COL28A1: variants seen among roughly 807,000 people sequenced by gnomAD.
The protein encoded by COL28A1 is collagen type XXVIII alpha 1 chain.
COL28A1 carries 161 observed loss-of-function variants against 150.2 expected under a neutral mutation model. That is an observed-to-expected ratio of 1.07 (90% CI 0.94 to 1.22). The LOEUF (loss-of-function observed/expected upper bound fraction) is 1.22. Ranked by LOEUF, COL28A1 falls within the 50% of genes most tolerant of loss-of-function variation. The pLI is 0.00. For missense variants in COL28A1, 1,617 were observed against 1,388.3 expected (o/e 1.16, Z -2.62); for synonymous variants, 552 against 469.7 (o/e 1.18, Z -2.26).
Position 7,460,931 on chromosome 7 carries a change from C to T in COL28A1, c.1303-4819G>A, listed in dbSNP as rs145725930. 4.7e-3 allele frequency among the ~76,000 whole-genome samples: 717 copies of T among 152,220 alleles called. 5 individuals carry two copies. Among genetic ancestry groups the T allele is most frequent in the East Asian group, 0.022 (114 of 5,172 alleles). Reference sequence around the variant, plus strand: ...GCAGGACTAGATCGCAGCTCCCACTCGGATGGAAAGAACAGCATGTGGAGG... The same window carrying T: ...GCAGGACTAGATCGCAGCTCCCACTTGGATGGAAAGAACAGCATGTGGAGG... On this transcript the variant is annotated intron_variant, in intron 15 of 34. Coordinates refer to ENST00000399429, the MANE Select transcript of COL28A1 (RefSeq NM_001037763.3).
chr7:7,423,603 T>C (rs1784492486), intron 25 of COL28A1, among the ~76,000 whole-genome samples: 1 of 152,186 alleles, frequency 6.6e-6, no homozygotes, highest in Non-Finnish European at 1.5e-5. Context: ...AAGATTTTTT[T>C]TTAACAAAGT....
At chr7:7,357,673 A>AAAAAAGAAAG (rs1780405836), downstream of COL28A1, 1 of 151,606 alleles carries the variant, frequency 6.6e-6, no homozygotes, top group Non-Finnish European at 1.5e-5. Flanking sequence ...AAAAAAAAAA[A>AAAAAAGAAAG]AAAGAAAGAA....
At chr7:7,451,437 G>A (rs2128328995) in intron 18 of COL28A1, among the ~76,000 whole-genome samples, 1 of 152,146 alleles carries the variant, frequency 6.6e-6, no homozygotes, top group East Asian at 1.9e-4. Flanking sequence ...TGTTGGCCAG[G>A]ATGGTCTCGA....
intron 30 of COL28A1, among the ~76,000 whole-genome samples, chr7:7,377,692 T>A (rs972437862): frequency 1.3e-5 from 2 of 151,538 alleles, no homozygotes; most frequent in African/African-American, 4.8e-5. Context: ...AACTTTCTCC[T>A]GGGCAGTGGG....
chr7:7,386,235 C>T (rs1036110775), intron 27 of COL28A1, among the ~76,000 whole-genome samples: 7 of 152,042 alleles, frequency 4.6e-5, no homozygotes, highest in African/African-American at 9.7e-5. Context: ...ATTACTGATA[C>T]GTCAGGAAAC....
At chr7:7,393,793 C>T (rs117375283) in intron 27 of COL28A1, among the ~76,000 whole-genome samples, 2,194 of 152,270 alleles carry the variant, frequency 0.014, 36 homozygotes, top group Non-Finnish European at 0.023. Context: ...CAAATTTGAG[C>T]ATCCCAGGTC....
chr7:7,372,398 A>AAAATAAATAAAT (rs3067784), intron 32 of COL28A1, among the ~76,000 whole-genome samples: 3,843 of 133,650 alleles, frequency 0.029, 75 homozygotes, highest in Middle Eastern at 0.04. Context: ...ACTCCGTCTC[A>AAAATAAATAAAT]AAATAAATAA....
At chr7:7,430,274 C>G (rs57930817) in intron 25 of COL28A1, among the ~76,000 whole-genome samples, 33,530 of 151,954 alleles carry the variant, frequency 0.22, 5,191 homozygotes, top group African/African-American at 0.44. Flanking sequence ...TTATAGGCGC[C>G]CACCACCACG....
the COL28A1 span, among the ~76,000 whole-genome samples, chr7:7,541,380 G>C: frequency 3.3e-5 from 5 of 151,902 alleles, no homozygotes; most frequent in African/African-American, 1.2e-4. Flanking sequence ...CAGAAATAAA[G>C]TACCTATTAT....
Position 7,443,595 on chromosome 7 carries a change from G to C in COL28A1, c.1640C>G (p.Pro547Arg). ...CTGTCATTTCCATACCTTGGGGCCA[G>C]GCTGTCCTTTTCCAGGTGGTCCTTC... ...GPEGPPGKGQ[P>R]GPKGDEGKKG... is the part of the protein sequence containing the mutation. The change falls in exon 20 of 35, where the codon CCT becomes CGT. Residue 547 changes from proline (P) to arginine (R), a missense_variant. By Grantham distance (103) the Pro-to-Arg change is moderately radical. Transcript: ENST00000399429. The C allele has an allele frequency of 1.9e-6, 3 of 1,614,124 alleles. No homozygotes were observed. Among genetic ancestry groups the C allele is most frequent in the Admixed American group, 1.7e-5 (1 of 60,016 alleles).
chr7:7,431,446 G>C (rs1784966226), intron 25 of COL28A1: 1 of 457,236 alleles, frequency 2.2e-6, no homozygotes. Flanking sequence ...GGTTGGGGTA[G>C]TAATGCTTTC....
At chr7:7,525,710 G>T (rs538279393) in intron 3 of COL28A1, among the ~76,000 whole-genome samples, 1 of 152,162 alleles carries the variant, frequency 6.6e-6, no homozygotes, top group East Asian at 1.9e-4. Flanking sequence ...AGAGGGACGA[G>T]ATAACAAAAT....
chr7:7,449,025 AAT>A (rs1322317220), intron 18 of COL28A1, among the ~76,000 whole-genome samples: 4 of 152,122 alleles, frequency 2.6e-5, no homozygotes, highest in Non-Finnish European at 4.4e-5. Flanking sequence ...GGGTTACAGA[AAT>A]ATTTATCATC....
chr7:7,471,942 G>A (rs1331344903), intron 15 of COL28A1, among the ~76,000 whole-genome samples: 2 of 152,128 alleles, frequency 1.3e-5, no homozygotes, highest in Non-Finnish European at 2.9e-5. Flanking sequence ...CTCAATAGAT[G>A]CAGAAAGAGC....
rs748310656 is a variant in COL28A1, at chr7:7,429,473, T to TGG, written c.1998+2998_1998+2999dup. On this transcript the variant is annotated intron_variant, in intron 25 of 34. Transcript: ENST00000399429. ...TCTCTCTGTGCTCTGTGTGTGTGTG[T>TGG]GGGGGGGGGGATGGTGTGTGTGTAT... Among the ~76,000 whole-genome samples, 324 of 106,948 alleles carry TGG rather than the reference T, an allele frequency of 3.0e-3. 10 individuals carry two copies. The highest frequency in any genetic ancestry group is 0.011 in the African/African-American group (303 of 28,482). 70.2% of individuals were successfully genotyped at this position (106,948 alleles called of 152,430 possible). A position where few individuals can be genotyped will look rare whatever the true frequency, so the allele number is the denominator to read the frequency against.
At chr7:7,364,652 T>C (rs772239039) in intron 33 of COL28A1, among the ~76,000 whole-genome samples, 8 of 152,174 alleles carry the variant, frequency 5.3e-5, no homozygotes, top group Non-Finnish European at 1.2e-4. Flanking sequence ...TTTTCTATTG[T>C]TAATCTGTCT....
chr7:7,540,882 G>A, the COL28A1 span, among the ~76,000 whole-genome samples: 1 of 113,844 alleles, frequency 8.8e-6, no homozygotes, highest in Non-Finnish European at 1.9e-5. Context: ...CTGAGTAGCT[G>A]GGGATTGTTA....
At chr7:7,476,434 T>C (rs1027546282) in intron 14 of COL28A1, among the ~76,000 whole-genome samples, 5 of 152,180 alleles carry the variant, frequency 3.3e-5, no homozygotes, top group African/African-American at 1.2e-4. Context: ...AAATATAGTT[T>C]TATTGGAACA....
chr7:7,378,568 A>G (rs957422051), intron 30 of COL28A1, among the ~76,000 whole-genome samples: 1 of 152,228 alleles, frequency 6.6e-6, no homozygotes, highest in Non-Finnish European at 1.5e-5. Flanking sequence ...GAATCTGCAC[A>G]ATTGATAGCT....
Sources: gnomAD v4.1 joint callset for allele counts (sites outside exome capture counted in the v4.1 genomes callset) on GRCh38, gnomAD v4.1.1 for gene constraint, MANE v1.5 for transcripts, NCBI Gene and HGNC (gene_info 2026-07-23, HGNC 2026-07-21) for gene names.